Variants in NT5C2 observed in about 807,000 individuals in gnomAD.
The protein encoded by NT5C2 is cytosolic purine 5'-nucleotidase.
NT5C2 carries 58 observed loss-of-function variants against 76.1 expected under a neutral mutation model. That is an observed-to-expected ratio of 0.76 (90% confidence interval 0.62 to 0.95). NT5C2 has a LOEUF of 0.95. NT5C2 is among the 40% of genes least tolerant of loss of function. The probability of loss-of-function intolerance (pLI) is 0.00; values close to 1 mark genes in which losing one functional copy is unlikely to be tolerated. For missense variants in NT5C2, 478 were observed against 690.3 expected, an observed-to-expected ratio of 0.69 and a Z score of 3.45; for synonymous variants, 229 against 237.4, an observed-to-expected ratio of 0.96 and a Z score of 0.32.
At chr10:103,185,679 A>G (rs2091931439) in intron 1 of NT5C2, among the ~76,000 whole-genome samples, 1 of 151,522 alleles carries the variant, frequency 6.6e-6, no homozygotes, top group Non-Finnish European at 1.5e-5. Flanking sequence ...AAAAAAAAAA[A>G]GCAGGTAAAA....
At chr10:103,157,303 G>T (rs559691948) in intron 3 of NT5C2, among the ~76,000 whole-genome samples, 6 of 152,118 alleles carry the variant, frequency 3.9e-5, no homozygotes, top group South Asian at 2.1e-4. Context: ...CTTTGGCAGG[G>T]TAAGGTAAGA....
chr10:103,124,714 G>A (rs1239094331), intron 4 of NT5C2, among the ~76,000 whole-genome samples: 6 of 151,884 alleles, frequency 4.0e-5, no homozygotes, highest in African/African-American at 1.2e-4. Context: ...AATGCTGGTG[G>A]TCAAGAGCTA....
intron 3 of NT5C2, among the ~76,000 whole-genome samples, chr10:103,148,042 C>T (rs543786319): frequency 7.9e-5 from 12 of 152,232 alleles, no homozygotes; most frequent in Admixed American, 2.0e-4. Flanking sequence ...CATTATGTCT[C>T]CATCCTCCGT....
At chr10:103,153,132 T>A (rs1255612063) in intron 3 of NT5C2, among the ~76,000 whole-genome samples, 1 of 152,230 alleles carries the variant, frequency 6.6e-6, no homozygotes, top group South Asian at 2.1e-4. Flanking sequence ...TATAGTAGAT[T>A]ACACATGAAA....
Position 103,151,464 on chromosome 10 carries a change from T to TAAA in NT5C2, c.102-11988_102-11986dup, listed in dbSNP as rs371652593. ...GGGCAACAAGAGTGAAACCTGTTCT[T>TAAA]AAAAAAAAAAAAAAACACTAGCCTC... On this transcript the variant is annotated intron_variant, in intron 3 of 18. Coordinates refer to ENST00000404739, the MANE Select transcript of NT5C2 (RefSeq NM_001351169.2). Among the ~76,000 whole-genome samples, 885 of 139,076 alleles carry TAAA rather than the reference T, an allele frequency of 6.4e-3. 13 individuals carry two copies. Among genetic ancestry groups the TAAA allele is most frequent in the African/African-American group, 0.021 (810 of 38,144 alleles). 91.2% of individuals were successfully genotyped at this position (139,076 alleles called of 152,430 possible).
At chr10:103,151,299 T>C (rs897872947) in intron 3 of NT5C2, among the ~76,000 whole-genome samples, 1 of 152,034 alleles carries the variant, frequency 6.6e-6, no homozygotes, top group African/African-American at 2.4e-5. Flanking sequence ...ATCCTGTCTC[T>C]ACTAAAAATA....
intron 3 of NT5C2, chr10:103,145,943 A>G (rs2081400941): frequency 2.6e-6 from 1 of 384,972 alleles, no homozygotes; most frequent in Admixed American, 6.4e-5. Flanking sequence ...CTCACACTTA[A>G]GTAACATGAA....
intron 3 of NT5C2, among the ~76,000 whole-genome samples, chr10:103,165,219 C>A (rs189037344): frequency 3.9e-5 from 6 of 152,188 alleles, no homozygotes; most frequent in Non-Finnish European, 7.3e-5. Context: ...CTCAGCCAGG[C>A]GCAATGGCTC....
At chr10:103,171,070 TCTCACACACAGAAGAGAATCGTTAGTAC>T (rs927313753) in intron 3 of NT5C2, among the ~76,000 whole-genome samples, 1 of 152,064 alleles carries the variant, frequency 6.6e-6, no homozygotes, top group Non-Finnish European at 1.5e-5. Flanking sequence ...TAGCAACATA[TCTCACACACAGAAGAGAATCGTTAGTAC>T]CCATTTGACA....
chr10:103,185,098 T>C (rs911611839), intron 1 of NT5C2, among the ~76,000 whole-genome samples: 2 of 152,200 alleles, frequency 1.3e-5, no homozygotes, highest in Non-Finnish European at 2.9e-5. Flanking sequence ...CATCAACACA[T>C]TAAGGCTGCT....
At chr10:103,148,683 C>A (rs1175528009) in intron 3 of NT5C2, among the ~76,000 whole-genome samples, 1 of 151,436 alleles carries the variant, frequency 6.6e-6, no homozygotes, top group East Asian at 1.9e-4. Flanking sequence ...CACTAAAAAT[C>A]TGAACAAATG....
chr10:103,174,367 T>C (rs1434961344), intron 3 of NT5C2, among the ~76,000 whole-genome samples: 1 of 152,224 alleles, frequency 6.6e-6, no homozygotes, highest in Admixed American at 6.5e-5. Flanking sequence ...ACTGCACCAC[T>C]GCACTCCAGC....
At chr10:103,123,324 C>A (rs1287620875) in intron 4 of NT5C2, among the ~76,000 whole-genome samples, 1 of 152,038 alleles carries the variant, frequency 6.6e-6, no homozygotes, top group East Asian at 1.9e-4. Flanking sequence ...GGTATACGTG[C>A]AGGATGTGCA....
At chr10:103,146,320 T>A in intron 3 of NT5C2, 1 of 985,440 alleles carries the variant, frequency 1.0e-6, no homozygotes, top group Non-Finnish European at 1.2e-6. Flanking sequence ...CTGTAACTCC[T>A]CCCCTTGCCT....
intron 1 of NT5C2, among the ~76,000 whole-genome samples, chr10:103,189,795 A>T (rs2092469116): frequency 6.7e-6 from 1 of 150,050 alleles, no homozygotes; most frequent in Non-Finnish European, 1.5e-5. Context: ...CAGCCTCCTG[A>T]GTAGCTGGGA....
chr10:103,174,387 A>G (rs920920778), intron 3 of NT5C2, among the ~76,000 whole-genome samples: 5 of 152,230 alleles, frequency 3.3e-5, no homozygotes, highest in African/African-American at 1.2e-4. Flanking sequence ...CCTAGGCAAC[A>G]GAGTGAGACT....
chr10:103,094,165 T>C (rs2067606313), intron 13 of NT5C2, 127 bp from the exon 14 acceptor site: 1 of 551,622 alleles, frequency 1.8e-6, no homozygotes, highest in African/African-American at 2.4e-5. Flanking sequence ...TGAATGGCAC[T>C]TACTCTTTTC....
chr10:103,092,146 G>A (rs955503016), intron 15 of NT5C2, among the ~76,000 whole-genome samples: 4 of 152,180 alleles, frequency 2.6e-5, no homozygotes, highest in Admixed American at 6.5e-5. Flanking sequence ...GCATGCTGCC[G>A]GTGTGTTGCA....
chr10:103,151,916 C>T (rs758445022), intron 3 of NT5C2, among the ~76,000 whole-genome samples: 1 of 152,052 alleles, frequency 6.6e-6, no homozygotes, highest in Non-Finnish European at 1.5e-5. Context: ...GCTCCAGAGG[C>T]TCCTAGAGAT....
Sources: allele counts gnomAD v4.1 joint callset (sites outside exome capture counted in the v4.1 genomes callset), GRCh38; gene constraint gnomAD v4.1.1; transcripts MANE v1.5; gene names NCBI Gene and HGNC (gene_info 2026-07-23, HGNC 2026-07-21).